The following TIAM1 variants were observed in gnomAD, a reference collection of about 807,000 sequenced individuals.
TIAM1 encodes rho guanine nucleotide exchange factor TIAM1.
In TIAM1, 65 loss-of-function variants were observed where a neutral mutation model predicts 163.5. The observed-to-expected ratio is 0.40, with a 90% CI of 0.33 to 0.49. The LOEUF (loss-of-function observed/expected upper bound fraction) is 0.49. Ranked by LOEUF, TIAM1 falls within the 20% of genes least tolerant of loss-of-function variation. The pLI is 0.77. For missense variants in TIAM1, 1,789 were observed against 2,044.7 expected (o/e 0.87, Z 2.41); for synonymous variants, 833 against 810.1 (o/e 1.03, Z -0.48).
At chr21:31,379,257 C>T (rs572129408) in intron 2 of TIAM1, among the ~76,000 whole-genome samples, 18 of 152,338 alleles carry the variant, frequency 1.2e-4, no homozygotes, top group African/African-American at 3.1e-4. Flanking sequence ...CAGGCATGAG[C>T]CACCTCGCCT....
chr21:31,491,723 T>C (rs2046474725), intron 1 of TIAM1, among the ~76,000 whole-genome samples: 1 of 152,246 alleles, frequency 6.6e-6, no homozygotes, highest in South Asian at 2.1e-4. Flanking sequence ...GACTACCCAC[T>C]GCTAAATGTC....
chr21:31,352,277 C>T (rs1486744581), intron 2 of TIAM1, among the ~76,000 whole-genome samples: 1 of 152,052 alleles, frequency 6.6e-6, no homozygotes, highest in Non-Finnish European at 1.5e-5. Flanking sequence ...ATCTGTGCTG[C>T]TACATGGATG....
At chr21:31,390,097 C>T (rs477145) in intron 2 of TIAM1, among the ~76,000 whole-genome samples, 42,385 of 151,928 alleles carry the variant, frequency 0.28, 6,032 homozygotes, top group Admixed American at 0.34. Context: ...AATGAGGGAA[C>T]GTGAGAGATT....
Position 31,325,608 on chromosome 21 carries a change from C to A in TIAM1, c.-189+13635G>T, listed in dbSNP as rs539350845. ...ACTTGAACCCGGGATGCAGAGGTTGCAGTGAGCCAAGATGGCACCACTGCA... is the reference window on the plus strand; with the variant it reads ...ACTTGAACCCGGGATGCAGAGGTTGAAGTGAGCCAAGATGGCACCACTGCA... On this transcript the variant is annotated intron_variant, in intron 2 of 27. Transcript: ENST00000541036. Among the ~76,000 whole-genome samples, 4 of 147,344 alleles carry A rather than the reference C, an allele frequency of 2.7e-5. No individual in the cohort carries two copies. In the South Asian group the frequency reaches 6.5e-4, roughly 24 times the overall value.
chr21:31,166,889 T>C (rs2084246174), intron 15 of TIAM1, among the ~76,000 whole-genome samples: 1 of 152,078 alleles, frequency 6.6e-6, no homozygotes, highest in Non-Finnish European at 1.5e-5. Context: ...GCATCCTCAG[T>C]GGGACGTCCG....
intron 1 of TIAM1, among the ~76,000 whole-genome samples, chr21:31,514,790 G>A (rs2047326930): frequency 6.6e-6 from 1 of 152,206 alleles, no homozygotes; most frequent in Non-Finnish European, 1.5e-5. Context: ...TCTGGAGTGT[G>A]GTCCCTGCTG....
intron 14 of TIAM1, among the ~76,000 whole-genome samples, chr21:31,182,979 C>A (rs1401509427): frequency 1.3e-5 from 2 of 152,264 alleles, no homozygotes; most frequent in Admixed American, 1.3e-4. Context: ...TGGGGCGGGG[C>A]GAGCGGGGAA....
At chr21:31,522,824 G>A (rs998854036) in intron 1 of TIAM1, among the ~76,000 whole-genome samples, 4 of 152,144 alleles carry the variant, frequency 2.6e-5, no homozygotes, top group African/African-American at 7.2e-5. Flanking sequence ...CTTTTGATTT[G>A]ACCAATTAAA....
chr21:31,120,297 C>T lies in TIAM1; in HGVS notation c.*71G>A, dbSNP rs1175183749. 1.1e-5 allele frequency: 16 copies of T among 1,437,790 alleles called. No individual in the cohort carries two copies. In the Admixed American group the frequency reaches 1.2e-4, roughly 11 times the overall value. The allele number at this position is 1,437,790 out of a possible 1,614,324, so 89.1% of individuals were successfully genotyped here. A position where few individuals can be genotyped will look rare whatever the true frequency, so the allele number is the denominator to read the frequency against. Reference sequence around the variant, plus strand: ...CGACCTAAGGGGACATTCTTGTCGACGGTACAGGAGGGTGGGCAGAGTTAG... The same window carrying T: ...CGACCTAAGGGGACATTCTTGTCGATGGTACAGGAGGGTGGGCAGAGTTAG... On this transcript the variant is annotated 3_prime_UTR_variant, in exon 28 of 28. Transcript: ENST00000541036. The surrounding 1 kb of genome is among the most constrained non-coding windows in gnomAD (Gnocchi z 4.2).
At chr21:31,421,826 CA>C (rs970004753) in intron 2 of TIAM1, among the ~76,000 whole-genome samples, 1 of 151,526 alleles carries the variant, frequency 6.6e-6, no homozygotes, top group African/African-American at 2.4e-5. Flanking sequence ...CCTATCTCTA[CA>C]AAAGAAAAAA....
At position 31,144,346 on chromosome 21, in the gene TIAM1, AT is replaced by A. The variant is rs565082787; in HGVS notation, c.3475+2548del. ...CCCAACAAAATATTCTCGTCCAAAA[AT>A]ATGGCTGTGGGTATTTCACCCATCG... On this transcript the variant is annotated intron_variant, in intron 20 of 27. Coordinates refer to ENST00000541036, the MANE Select transcript of TIAM1 (RefSeq NM_001353694.2). Among the ~76,000 whole-genome samples, 241 of 152,378 alleles carry A rather than the reference AT, an allele frequency of 1.6e-3. 1 individual carries two copies. Among genetic ancestry groups the A allele is most frequent in the African/African-American group, 5.1e-3 (211 of 41,596 alleles).
chr21:31,203,282 C>G (rs909681509), intron 11 of TIAM1, among the ~76,000 whole-genome samples: 3 of 152,038 alleles, frequency 2.0e-5, no homozygotes, highest in Admixed American at 6.6e-5. Flanking sequence ...ACCACCACGC[C>G]CAGCTGATTT....
At position 31,182,554 on chromosome 21, in the gene TIAM1, G is replaced by A; in HGVS notation, c.2754C>T (p.Pro918=). 1.2e-6 allele frequency: 2 copies of A among 1,614,114 alleles called. No homozygotes were observed. Among genetic ancestry groups the A allele is most frequent in the Non-Finnish European group, 1.7e-6 (2 of 1,179,982 alleles). ...SSMLKDFLSQ[P]SLGLLVRTYP... ...AGGTCCTCACCAGGAGGCCCAGCGA[G>A]GGCTGTGAGAGGAAATCTTTGAGCA... Residue 918 remains proline, a synonymous_variant, in exon 15 of 28, where the codon CCC becomes CCT. Transcript: ENST00000541036.
At chr21:31,460,329 A>G (rs1433736991) in intron 2 of TIAM1, among the ~76,000 whole-genome samples, 1 of 152,180 alleles carries the variant, frequency 6.6e-6, no homozygotes, top group Non-Finnish European at 1.5e-5. Flanking sequence ...ACCACTCCGG[A>G]AGTGCCACTG....
At chr21:31,506,247 C>A (rs950861580) in intron 1 of TIAM1, among the ~76,000 whole-genome samples, 1 of 118,286 alleles carries the variant, frequency 8.5e-6, no homozygotes, top group African/African-American at 3.2e-5. Flanking sequence ...TAAACTCACG[C>A]ACTCTCACAC....
intron 15 of TIAM1, among the ~76,000 whole-genome samples, chr21:31,173,125 T>C (rs918692451): frequency 2.6e-5 from 4 of 152,170 alleles, no homozygotes; most frequent in Non-Finnish European, 4.4e-5. Flanking sequence ...TCTACTTTGG[T>C]TTCATTCAAG....
At chr21:31,552,910 C>T (rs74552791) in intron 1 of TIAM1, among the ~76,000 whole-genome samples, 4,366 of 152,276 alleles carry the variant, frequency 0.029, 224 homozygotes, top group African/African-American at 0.1. Flanking sequence ...CTTAATAACT[C>T]TGGAATCCAA....
chr21:31,347,131 G>A (rs971960812), upstream of TIAM1, among the ~76,000 whole-genome samples: 1 of 152,080 alleles, frequency 6.6e-6, no homozygotes, highest in African/African-American at 2.4e-5. Flanking sequence ...AAAAATAAAG[G>A]GTCCCCTGTA....
upstream of TIAM1, among the ~76,000 whole-genome samples, chr21:31,347,292 T>A (rs970293282): frequency 6.6e-6 from 1 of 151,952 alleles, no homozygotes; most frequent in African/African-American, 2.4e-5. Flanking sequence ...TACAGCAATA[T>A]CAGAACTGGA....
Sources: allele counts gnomAD v4.1 joint callset (sites outside exome capture counted in the v4.1 genomes callset), GRCh38; gene constraint gnomAD v4.1.1; non-coding constraint Gnocchi (gnomAD v3.1); transcripts MANE v1.5; gene names NCBI Gene and HGNC (gene_info 2026-07-23, HGNC 2026-07-21).